Variants in DBH observed in about 807,000 individuals in gnomAD.
The protein encoded by DBH is dopamine beta-hydroxylase.
A neutral mutation model predicts 64.0 loss-of-function variants in DBH; 49 were observed. The observed-to-expected ratio is 0.77, with a 90% CI of 0.61 to 0.97. The LOEUF is 0.97. Among genes scored for constraint, DBH ranks in the 50% least tolerant of loss-of-function variants. The probability of loss-of-function intolerance (pLI) is 0.00; values close to 1 mark genes in which losing one functional copy is unlikely to be tolerated. For missense variants in DBH, 828 were observed against 826.6 expected (o/e 1.00, Z -0.02); for synonymous variants, 343 against 347.1 (o/e 0.99, Z 0.13).
rs891002620 is a variant in DBH at position 133,659,239 on chromosome 9, T to C, written c.*792T>C. 3 of 152,322 alleles carry C rather than the reference T, an allele frequency of 2.0e-5. No homozygotes were observed. The highest frequency in any genetic ancestry group is 7.2e-5 in the African/African-American group (3 of 41,458). 9.4% of individuals were successfully genotyped at this position (152,322 alleles called of 1,614,324 possible). A position where few individuals can be genotyped will look rare whatever the true frequency, so the allele number is the denominator to read the frequency against. ...GGGAGTGTGCCTTGGGCGGGCCATT[T>C]CACATTCCTGACCCTCACTTTTCTC... On this transcript the variant is annotated 3_prime_UTR_variant, in exon 12 of 12. Coordinates refer to ENST00000393056, the MANE Select transcript of DBH (RefSeq NM_000787.4).
At chr9:133,638,667 G>A (rs573964842) in intron 1 of DBH, among the ~76,000 whole-genome samples, 6 of 152,254 alleles carry the variant, frequency 3.9e-5, no homozygotes, top group East Asian at 3.9e-4. Flanking sequence ...GGTGTGGGTC[G>A]GAATGTTAGG....
chr9:133,658,578 T>C lies in DBH; in HGVS notation c.*131T>C. 9.4e-7 allele frequency: 1 copy of C among 1,068,748 alleles called. No individual in the cohort carries two copies. Among genetic ancestry groups the C allele is most frequent in the Non-Finnish European group, 1.3e-6 (1 of 771,456 alleles). The allele number at this position is 1,068,748 out of a possible 1,614,324, so 66.2% of individuals were successfully genotyped here. A position where few individuals can be genotyped will look rare whatever the true frequency, so the allele number is the denominator to read the frequency against. The stretch of plus-strand genomic sequence containing the variant: ...GGATGAAGGGGCCAGACCACGCCCC[T>C]GCCTGAGACCACGGTCCAATCCAGC... On this transcript the variant is annotated 3_prime_UTR_variant, in exon 12 of 12. Transcript: ENST00000393056.
intron 5 of DBH, among the ~76,000 whole-genome samples, chr9:133,645,041 CTTCTT>C (rs1832167027): frequency 6.6e-6 from 1 of 152,090 alleles, no homozygotes; most frequent in South Asian, 2.1e-4. Flanking sequence ...AATGGTGCTT[CTTCTT>C]TTCATTTGTG....
chr9:133,657,873 C>G (rs1488493252), intron 11 of DBH, among the ~76,000 whole-genome samples: 1 of 152,176 alleles, frequency 6.6e-6, no homozygotes, highest in African/African-American at 2.4e-5. Context: ...AGATTAACTG[C>G]TAAGTCAAAC....
chr9:133,652,402 T>C, intron 8 of DBH, 118 bp downstream of exon 8: 1 of 1,258,644 alleles, frequency 7.9e-7, no homozygotes, highest in Non-Finnish European at 1.1e-6. Flanking sequence ...GGGAGAGCCA[T>C]CCAGGGCAGG....
intron 11 of DBH, among the ~76,000 whole-genome samples, chr9:133,657,815 C>G (rs1401050263): frequency 6.6e-6 from 1 of 152,158 alleles, no homozygotes; most frequent in Non-Finnish European, 1.5e-5. Flanking sequence ...CGTAAGGTGC[C>G]GCAGCCTGGA....
rs370920059 is a variant in DBH at position 133,648,030 on chromosome 9, C to T, written c.1191+18C>T. The T allele has an allele frequency of 1.4e-5, 22 of 1,605,544 alleles. No homozygotes were observed. The highest frequency in any genetic ancestry group is 1.8e-4 in the Middle Eastern group (1 of 5,502). On this transcript the variant is annotated intron_variant, in intron 6 of 11. Coordinates refer to ENST00000393056, the MANE Select transcript of DBH (RefSeq NM_000787.4). ...CCCAGCTGGTGAGTGGGGCTGGGCC[C>T]GGCACTGCACCCTCCCTCCTCCCGC... is the stretch of plus-strand genomic sequence containing the variant.
rs1482117226 is a variant in DBH, at chr9:133,636,504, A to C, written c.133A>C (p.Ser45Arg). The change falls in exon 1 of 12, where the codon AGC (serine) becomes CGC (arginine). Residue 45 changes from serine (S) to arginine (R), a missense_variant. Ser to Arg is a moderately radical substitution (Grantham distance 110, BLOSUM62 -1). Transcript: ENST00000393056. ...ACTGCAGGGCTCGGCTCCCCGTGAGAGCCCCCTCCCCTATCACATCCCCCT... is the reference window on the plus strand; with the variant it reads ...ACTGCAGGGCTCGGCTCCCCGTGAGCGCCCCCTCCCCTATCACATCCCCCT... ...AALQGSAPRESPLPYHIPLDP... is the reference protein window; with the variant it reads ...AALQGSAPRERPLPYHIPLDP... The C allele has an allele frequency of 6.2e-7, 1 of 1,613,290 alleles. No homozygotes were observed.
chr9:133,644,853 C>T (rs932348785), intron 5 of DBH, among the ~76,000 whole-genome samples: 1 of 152,128 alleles, frequency 6.6e-6, no homozygotes, highest in Non-Finnish European at 1.5e-5. Flanking sequence ...ATGGCAAGGC[C>T]AGGTGATGCT....
chr9:133,636,621 G>T lies in DBH; in HGVS notation c.250G>T (p.Gly84Cys). The T allele has an allele frequency of 6.2e-7, 1 of 1,613,530 alleles. No individual in the cohort carries two copies. The highest frequency in any genetic ancestry group is 8.5e-7 in the Non-Finnish European group (1 of 1,180,010). The change falls in exon 1 of 12, where the codon GGC becomes TGC. Residue 84 changes from glycine (G) to cysteine (C), a missense_variant. By Grantham distance (159) the Gly-to-Cys change is radical (BLOSUM62 -3). Transcript: ENST00000393056. The part of the protein sequence containing the change: ...FQLLVRRLKA[G>C]VLFGMSDRGE... ...GCTCCTGGTGCGGAGGCTCAAGGCTGGCGTCCTGTTTGGGATGTCCGACCG... is the reference window on the plus strand; with the variant it reads ...GCTCCTGGTGCGGAGGCTCAAGGCTTGCGTCCTGTTTGGGATGTCCGACCG...
At chr9:133,646,137 T>C (rs1331281949) in intron 5 of DBH, among the ~76,000 whole-genome samples, 1 of 152,248 alleles carries the variant, frequency 6.6e-6, no homozygotes, top group African/African-American at 2.4e-5. Flanking sequence ...AATTTTTTTC[T>C]TGTGACTAGA....
chr9:133,636,563 T>C lies in DBH; in HGVS notation c.192T>C (p.Asn64=). 1.2e-6 allele frequency: 2 copies of C among 1,613,684 alleles called. No individual in the cohort carries two copies. The highest frequency in any genetic ancestry group is 1.7e-6 in the Non-Finnish European group (2 of 1,180,012). Residue 64 remains asparagine (N), a synonymous_variant, in exon 1 of 12, where the codon AAT becomes AAC. Transcript: ENST00000393056. ...DPEGSLELSW[N]VSYTQEAIHF... ...AGGGGTCCCTGGAGCTCTCATGGAA[T>C]GTCAGCTACACCCAGGAGGCCATCC...
rs1173530513 is a variant in DBH, at chr9:133,643,753, T to C, written c.921+164T>C. On this transcript the variant is annotated intron_variant, in intron 4 of 11. Coordinates refer to ENST00000393056, the MANE Select transcript of DBH (RefSeq NM_000787.4). The surrounding 1 kb of genome is among the most constrained non-coding windows in gnomAD (Gnocchi z 5.3). ...AGGCCTGAGGTGGCCCCCTCGCCTC[T>C]GTGATGTCTGAAATGCTTCAAGCCT... 6.6e-6 allele frequency among the ~76,000 whole-genome samples: 1 copy of C among 152,190 alleles called. No individual in the cohort carries two copies. Among genetic ancestry groups the C allele is most frequent in the Non-Finnish European group, 1.5e-5 (1 of 68,034 alleles).
intron 6 of DBH, among the ~76,000 whole-genome samples, chr9:133,649,580 A>T (rs1564212091): frequency 6.6e-6 from 1 of 152,220 alleles, no homozygotes; most frequent in East Asian, 1.9e-4. Flanking sequence ...TTCCAAGCAA[A>T]GGTTCCTCAA....
rs141231821 is a variant in DBH at position 133,636,704 on chromosome 9, T to C, written c.333T>C (p.Tyr111=). The C allele has an allele frequency of 6.9e-6, 11 of 1,601,828 alleles. No individual in the cohort carries two copies. The highest frequency in any genetic ancestry group is 6.7e-5 in the African/African-American group (5 of 74,886). Residue 111 remains tyrosine (Y), a synonymous_variant, in exon 1 of 12, where the codon TAT becomes TAC. Transcript: ENST00000393056. ...VVLWTDGDTA[Y]FADAWSDQKG... ...TCTGGACCGATGGGGACACTGCCTA[T>C]TTTGCGGTGAGTCTCTCCTCCCTGC...
chr9:133,651,816 C>A (rs1832253016), intron 7 of DBH, 39 bp downstream of exon 7: 2 of 1,520,034 alleles, frequency 1.3e-6, no homozygotes, highest in Non-Finnish European at 1.8e-6. Context: ...GCCCCCACAC[C>A]CTGCCACCAC....
intron 10 of DBH, 31 bp downstream of exon 10, chr9:133,656,681 C>G: frequency 3.7e-6 from 6 of 1,608,556 alleles, no homozygotes; most frequent in Admixed American, 1.7e-5. Flanking sequence ...CTCCCTGCCC[C>G]CAGGGAACCC....
At chr9:133,636,854 C>A in intron 1 of DBH, 144 bp downstream of exon 1, 1 of 809,854 alleles carries the variant, frequency 1.2e-6, no homozygotes, top group Non-Finnish European at 2.1e-6. Flanking sequence ...TGAGCCAAGT[C>A]TGCACCCCGA....
Position 133,644,268 on chromosome 9 carries a change from C to G in DBH, c.972C>G (p.Ser324=), listed in dbSNP as rs1832155914. The G allele has an allele frequency of 8.1e-6, 13 of 1,614,088 alleles. No individual in the cohort carries two copies. Among genetic ancestry groups the G allele is most frequent in the Non-Finnish European group, 1.1e-5 (13 of 1,180,034 alleles). ...EAGLAFGGPG[S]SRYLRLEVHY... is the part of the protein sequence containing the mutation. ...GCCTTGCCTTCGGGGGTCCAGGGTC[C>G]TCCAGATATCTCCGCCTGGAAGTTC... The change falls in exon 5 of 12, where the codon TCC becomes TCG. Residue 324 remains serine, a synonymous_variant. Transcript: ENST00000393056.
Sources: gnomAD v4.1 joint callset for allele counts (sites outside exome capture counted in the v4.1 genomes callset) on GRCh38, gnomAD v4.1.1 for gene constraint, Gnocchi (gnomAD v3.1) non-coding constraint, MANE v1.5 for transcripts, NCBI Gene and HGNC (gene_info 2026-07-23, HGNC 2026-07-21) for gene names.